Variants in RASAL3 observed in about 807,000 individuals in gnomAD.
RASAL3 encodes RAS protein activator like-3.
RASAL3 carries 74 observed loss-of-function variants against 105.5 expected under a neutral mutation model. That is an observed-to-expected ratio of 0.70 (90% CI 0.58 to 0.85). RASAL3 has a LOEUF of 0.85. Among genes scored for constraint, RASAL3 ranks in the 40% least tolerant of loss-of-function variants. RASAL3 has a pLI of 0.00. For synonymous variants in RASAL3, 579 were observed against 591.6 expected (o/e 0.98, Z 0.31); for missense variants, 1,352 against 1,392.0 (o/e 0.97, Z 0.46).
chr19:15,454,993 C>T, intron 11 of RASAL3, 100 bp from the exon 12 acceptor site: 2 of 858,440 alleles, frequency 2.3e-6, no homozygotes, highest in Non-Finnish European at 3.5e-6. Context: ...ATGATTGGTC[C>T]ATGATCCTCC....
At chr19:15,454,017 A>G (rs1970239077) in intron 14 of RASAL3, 132 bp downstream of exon 14, 2 of 684,442 alleles carry the variant, frequency 2.9e-6, no homozygotes, top group Admixed American at 2.8e-5. Context: ...AACCCTTTCT[A>G]TAACCTGTGA....
At position 15,453,102 on chromosome 19, in the gene RASAL3, C is replaced by T. The variant is rs1434891687; in HGVS notation, c.2670+5G>A. Reference sequence around the variant, plus strand: ...CCCCAGGCGCGGACCTGGGCCTGACCTTACCTTGTTCACAGGTCGGTGCGT... The same window carrying T: ...CCCCAGGCGCGGACCTGGGCCTGACTTTACCTTGTTCACAGGTCGGTGCGT... On this transcript the variant is annotated splice_donor_5th_base_variant and intron_variant, in intron 15 of 17. Coordinates refer to ENST00000343625, the MANE Select transcript of RASAL3 (RefSeq NM_022904.3). This position sits in a 1 kb window ranked among gnomAD's most constrained non-coding sequence, Gnocchi z 4.2. The T allele has an allele frequency of 3.1e-6, 5 of 1,613,496 alleles. No homozygotes were observed. Among genetic ancestry groups the T allele is most frequent in the Non-Finnish European group, 3.4e-6 (4 of 1,179,722 alleles).
intron 11 of RASAL3, among the ~76,000 whole-genome samples, 174 bp downstream of exon 11, chr19:15,455,930 C>T (rs1019397984): frequency 1.3e-5 from 2 of 152,130 alleles, no homozygotes; most frequent in Admixed American, 6.6e-5. Flanking sequence ...GGATTACGGG[C>T]GTGAGTCACC....
chr19:15,452,966 G>A, intron 15 of RASAL3, 141 bp downstream of exon 15: 1 of 1,473,812 alleles, frequency 6.8e-7, no homozygotes, highest in Non-Finnish European at 9.2e-7. Flanking sequence ...GGAGACTGAA[G>A]CTCAGAGAGG....
intron 16 of RASAL3, chr19:15,452,366 G>A (rs1385949280): frequency 6.7e-6 from 4 of 595,064 alleles, no homozygotes; most frequent in Non-Finnish European, 1.2e-5. Flanking sequence ...GCTGGAGGGA[G>A]TGCCCAGGCT....
intron 14 of RASAL3, 36 bp downstream of exon 14, chr19:15,454,113 C>T (rs1342426091): frequency 6.8e-7 from 1 of 1,461,232 alleles, no homozygotes; most frequent in Non-Finnish European, 9.3e-7. Flanking sequence ...CCTTCCTGTT[C>T]CCACCCATCA....
chr19:15,456,528 G>A lies in RASAL3; in HGVS notation c.1550C>T (p.Ala517Val). The A allele has an allele frequency of 1.2e-6, 2 of 1,613,804 alleles. No individual in the cohort carries two copies. Among genetic ancestry groups the A allele is most frequent in the Non-Finnish European group, 1.7e-6 (2 of 1,179,804 alleles). The change falls in exon 10 of 18, where the codon GCA (alanine) becomes GTA (valine). Residue 517 changes from alanine to valine, a missense_variant. Physicochemically the swap from Ala to Val is moderately conservative, Grantham distance 64. This residue lies in a region of RASAL3 where 920 missense variants were observed against 919.6 expected (regional missense o/e 1.00). Coordinates refer to ENST00000343625, the MANE Select transcript of RASAL3 (RefSeq NM_022904.3). The surrounding 1 kb of genome is among the most constrained non-coding windows in gnomAD (Gnocchi z 4.4). ...KAIDEYMKLV[A>V]QDYLQETLGQ... ...CAGGGTCTCCTGGAGGTAATCCTGT[G>A]CCACGAGCTTCATGTACTCATCGAT...
intron 6 of RASAL3, 102 bp from the exon 7 acceptor site, chr19:15,458,757 G>A: frequency 6.9e-7 from 1 of 1,447,312 alleles, no homozygotes; most frequent in Non-Finnish European, 9.2e-7. Flanking sequence ...ACCCAATTCG[G>A]ATCCCGTTTC....
Position 15,457,982 on chromosome 19 carries a change from G to A in RASAL3, c.889-148C>T. 1 of 914,386 alleles carries A rather than the reference G, an allele frequency of 1.1e-6. No homozygotes were observed. Among genetic ancestry groups the A allele is most frequent in the Non-Finnish European group, 1.6e-6 (1 of 614,534 alleles). The allele number at this position is 914,386 out of a possible 1,614,324, so 56.6% of individuals were successfully genotyped here. ...TTTGGGGAAAGAAGTGGAGCCACGGGAGTCCGGAGGCGGTTACGCGGAAGT... is the reference window on the plus strand; with the variant it reads ...TTTGGGGAAAGAAGTGGAGCCACGGAAGTCCGGAGGCGGTTACGCGGAAGT... On this transcript the variant is annotated intron_variant, in intron 8 of 17. Coordinates refer to ENST00000343625, the MANE Select transcript of RASAL3 (RefSeq NM_022904.3). This position sits in a 1 kb window ranked among gnomAD's most constrained non-coding sequence, Gnocchi z 8.6.
In RASAL3 at chr19:15,457,979, C is replaced by A. The variant is rs1026833330; in HGVS notation, c.889-145G>T. On this transcript the variant is annotated intron_variant, in intron 8 of 17. Transcript: ENST00000343625. The surrounding 1 kb of genome is among the most constrained non-coding windows in gnomAD (Gnocchi z 8.6). ...GCCTTTGGGGAAAGAAGTGGAGCCA[C>A]GGGAGTCCGGAGGCGGTTACGCGGA... is the stretch of plus-strand genomic sequence containing the variant. 3 of 953,966 alleles carry A rather than the reference C, an allele frequency of 3.1e-6. No individual in the cohort carries two copies. In the African/African-American group the frequency reaches 5.0e-5, roughly 16 times the overall value. 59.1% of individuals were successfully genotyped at this position (953,966 alleles called of 1,614,324 possible). A position where few individuals can be genotyped will look rare whatever the true frequency, so the allele number is the denominator to read the frequency against.
intron 2 of RASAL3, among the ~76,000 whole-genome samples, chr19:15,463,788 C>T (rs756545916): frequency 6.6e-6 from 1 of 152,150 alleles, no homozygotes; most frequent in Non-Finnish European, 1.5e-5. Flanking sequence ...ACAATACTAT[C>T]ACGGGTTTAC....
chr19:15,454,056 G>T, intron 14 of RASAL3, 93 bp downstream of exon 14: 1 of 913,030 alleles, frequency 1.1e-6, no homozygotes, highest in Non-Finnish European at 1.7e-6. Flanking sequence ...CTTGACCTCT[G>T]CTCACAATGA....
Position 15,460,237 on chromosome 19 carries a change from C to CT in RASAL3, c.627dup (p.Glu210ArgfsTer20). ...GGCTCCAACCTGGCCTTTTTCTTCT[C>CT]TTTCAGCCTCTTGAGCAACCCCTGT... On this transcript the variant is annotated frameshift_variant, in exon 6 of 18. Coordinates refer to ENST00000343625, the MANE Select transcript of RASAL3 (RefSeq NM_022904.3). LOFTEE classifies it high-confidence loss of function. 6.2e-7 allele frequency: 1 copy of CT among 1,608,970 alleles called. No individual in the cohort carries two copies. The highest frequency in any genetic ancestry group is 8.5e-7 in the Non-Finnish European group (1 of 1,177,758).
At chr19:15,459,583 G>T (rs1970445466) in intron 6 of RASAL3, among the ~76,000 whole-genome samples, 1 of 152,060 alleles carries the variant, frequency 6.6e-6, no homozygotes, top group Admixed American at 6.6e-5. Context: ...TGTTGCCCAG[G>T]CTGGAGTGCA....
At position 15,457,396 on chromosome 19, in the gene RASAL3, A is replaced by G. The variant is rs780541443; in HGVS notation, c.1327T>C (p.Tyr443His). The G allele has an allele frequency of 3.4e-6, 5 of 1,449,440 alleles. No individual in the cohort carries two copies. Among genetic ancestry groups the G allele is most frequent in the Non-Finnish European group, 3.6e-6 (4 of 1,105,856 alleles). The allele number at this position is 1,449,440 out of a possible 1,614,324, so 89.8% of individuals were successfully genotyped here. The change falls in exon 9 of 18, where the codon TAT (tyrosine) becomes CAT (histidine). Residue 443 changes from tyrosine to histidine, a missense_variant. By Grantham distance (83) the Tyr-to-His change is moderately conservative. Coordinates refer to ENST00000343625, the MANE Select transcript of RASAL3 (RefSeq NM_022904.3). The surrounding 1 kb of genome is among the most constrained non-coding windows in gnomAD (Gnocchi z 8.6). ...KELAEFLTFH[Y>H]ARLCGALEPA... ...TCCAGGGCCCCGCAGAGGCGCGCATAGTGGAAGGTGAGGAACTCCGCCAGC... is the reference window on the plus strand; with the variant it reads ...TCCAGGGCCCCGCAGAGGCGCGCATGGTGGAAGGTGAGGAACTCCGCCAGC...
rs1316912232 is a variant in RASAL3, at chr19:15,456,551, G to A, written c.1527C>T (p.Ile509=). ...GTGCCACGAGCTTCATGTACTCATC[G>A]ATAGCCTTGGTGGCCAATGTGTTTT... ...FRENTLATKA[I]DEYMKLVAQD... The change falls in exon 10 of 18, where the codon ATC becomes ATT. Residue 509 remains isoleucine, a synonymous_variant. Coordinates refer to ENST00000343625, the MANE Select transcript of RASAL3 (RefSeq NM_022904.3). The surrounding 1 kb of genome is among the most constrained non-coding windows in gnomAD (Gnocchi z 4.4). 3.1e-6 allele frequency: 5 copies of A among 1,613,758 alleles called. No homozygotes were observed. The highest frequency in any genetic ancestry group is 4.2e-6 in the Non-Finnish European group (5 of 1,179,782).
rs552200788 is a variant in RASAL3, at chr19:15,451,971, C to T, written c.2893-33G>A. ...GGCAGTGGTGATGGGGTTCAGAAAC[C>T]AGGAGAGGGCTGCACCGCAACCCTT... On this transcript the variant is annotated intron_variant, in intron 17 of 17. Transcript: ENST00000343625. The T allele has an allele frequency of 9.9e-6, 16 of 1,612,616 alleles. 1 individual carries two copies. In the South Asian group the frequency reaches 1.8e-4, roughly 18 times the overall value.
At chr19:15,455,443 C>T (rs1970287131) in intron 11 of RASAL3, among the ~76,000 whole-genome samples, 1 of 152,088 alleles carries the variant, frequency 6.6e-6, no homozygotes, top group African/African-American at 2.4e-5. Flanking sequence ...GGACTTGGGG[C>T]ATCATCTGGT....
Position 15,454,152 on chromosome 19 carries a change from G to C in RASAL3, c.2276C>G (p.Ser759Cys). ...CCCAGACCAGACTTGAGGTTACCTGGAGTGGACCTGGGCCGGGGGCAGTGG... is the reference window on the plus strand; with the variant it reads ...CCCAGACCAGACTTGAGGTTACCTGCAGTGGACCTGGGCCGGGGGCAGTGG... ...RLPLPPAQVHSSLSAGEKPGF... is the reference protein window; with the variant it reads ...RLPLPPAQVHCSLSAGEKPGF... The change falls in exon 14 of 18, where the codon TCC becomes TGC. Residue 759 changes from serine to cysteine, a missense_variant. Around this residue, in one of 3 missense-constraint regions of RASAL3, gnomAD observed 920 missense variants for 919.6 expected, o/e 1.00. Transcript: ENST00000343625. 3 of 1,558,442 alleles carry C rather than the reference G, an allele frequency of 1.9e-6. No individual in the cohort carries two copies. Among genetic ancestry groups the C allele is most frequent in the Non-Finnish European group, 2.6e-6 (3 of 1,150,534 alleles).
Sources: gnomAD v4.1 joint callset for allele counts (sites outside exome capture counted in the v4.1 genomes callset) on GRCh38, gnomAD v4.1.1 for gene constraint, gnomAD v4.1.1 regional missense constraint, Gnocchi (gnomAD v3.1) non-coding constraint, MANE v1.5 for transcripts, NCBI Gene and HGNC (gene_info 2026-07-23, HGNC 2026-07-21) for gene names.